NRG3: variants seen among roughly 807,000 people sequenced by gnomAD.
The protein encoded by NRG3 is pro-neuregulin-3, membrane-bound isoform.
NRG3 carries 31 observed loss-of-function variants against 66.9 expected under a neutral mutation model. The ratio of observed to expected loss-of-function variants is 0.46; its 90% CI spans 0.35 to 0.63. NRG3 has a LOEUF of 0.63. Ranked by LOEUF, NRG3 falls within the 20% of genes least tolerant of loss-of-function variation. NRG3 has a pLI of 0.00. For synonymous variants in NRG3, 393 were observed against 359.4 expected (o/e 1.09, Z -1.06); for missense variants, 910 against 878.9 (o/e 1.04, Z -0.45).
At chr10:82,465,151 G>A (rs1490132551) in intron 2 of NRG3, among the ~76,000 whole-genome samples, 1 of 152,208 alleles carries the variant, frequency 6.6e-6, no homozygotes, top group South Asian at 2.1e-4. Context: ...CGATAATGGG[G>A]CTATTAACTA....
In NRG3 at chr10:82,362,548, G is replaced by GTTTTTTTTTTTTTTTTTTTTTTT. The variant is rs10694679; in HGVS notation, c.953+3701_953+3702insTTTTTTTTTTTTTTTTTTTTTTT. On this transcript the variant is annotated intron_variant, in intron 2 of 8. Coordinates refer to ENST00000372141, the MANE Select transcript of NRG3 (RefSeq NM_001010848.4). ...ACCACCATGCCCAGATAATTTCTGG[G>GTTTTTTTTTTTTTTTTTTTTTTT]TTTTTTTTTTTTTTTTTTTTTCGTA... 4.3e-4 allele frequency among the ~76,000 whole-genome samples: 36 copies of GTTTTTTTTTTTTTTTTTTTTTTT among 83,200 alleles called. 4 individuals carry two copies. Among genetic ancestry groups the GTTTTTTTTTTTTTTTTTTTTTTT allele is most frequent in the Admixed American group, 8.2e-4 (5 of 6,062 alleles). The allele number at this position is 83,200 out of a possible 152,430, so 54.6% of individuals were successfully genotyped here. A position where few individuals can be genotyped will look rare whatever the true frequency, so the allele number is the denominator to read the frequency against.
chr10:82,172,591 G>C (rs963777360), intron 1 of NRG3, among the ~76,000 whole-genome samples: 8 of 152,062 alleles, frequency 5.3e-5, no homozygotes, highest in African/African-American at 1.9e-4. Flanking sequence ...AATTCACTGA[G>C]ATTCAGCTTG....
intron 1 of NRG3, among the ~76,000 whole-genome samples, chr10:82,052,666 C>G (rs1399448803): frequency 6.6e-6 from 1 of 152,080 alleles, no homozygotes; most frequent in African/African-American, 2.4e-5. Flanking sequence ...ACTCTTCTAA[C>G]AAGAAACTAA....
At position 82,185,326 on chromosome 10, in the gene NRG3, T is replaced by C. The variant is rs537590860; in HGVS notation, c.824-173413T>C. On this transcript the variant is annotated intron_variant, in intron 1 of 8. Transcript: ENST00000372141. ...TTGTTGTTTTAAGTAACACTGTTGT[T>C]TGGGCATTAAGTAAGTAGTTTTGCT... Among the ~76,000 whole-genome samples the C allele has an allele frequency of 1.7e-4, 26 of 152,310 alleles. No homozygotes were observed. In the South Asian group the frequency reaches 2.5e-3, roughly 15 times the overall value.
Position 82,600,312 on chromosome 10 carries a change from A to G in NRG3, c.954-138265A>G, listed in dbSNP as rs944287764. On this transcript the variant is annotated intron_variant, in intron 2 of 8. Transcript: ENST00000372141. ...TTTATCTTATTGACGACACATATTA[A>G]CATGTATAAATTCTGAAAAAAAATG... is the stretch of plus-strand genomic sequence containing the variant. 7.0e-4 allele frequency among the ~76,000 whole-genome samples: 107 copies of G among 152,246 alleles called. 1 individual carries two copies. The highest frequency in any genetic ancestry group is 2.5e-3 in the African/African-American group (103 of 41,550).
chr10:81,978,539 T>C (rs1048929058), intron 1 of NRG3, among the ~76,000 whole-genome samples: 9 of 152,134 alleles, frequency 5.9e-5, no homozygotes, highest in African/African-American at 2.2e-4. Context: ...ACTGTAGCGT[T>C]GTTTATAGCC....
intron 2 of NRG3, among the ~76,000 whole-genome samples, chr10:82,509,476 T>C (rs1844977493): frequency 1.3e-5 from 2 of 152,178 alleles, no homozygotes; most frequent in Admixed American, 1.3e-4. Context: ...AAAAGCACCA[T>C]ATTACAAGGA....
At chr10:82,514,397 T>C (rs1206864436) in intron 2 of NRG3, among the ~76,000 whole-genome samples, 1 of 152,226 alleles carries the variant, frequency 6.6e-6, no homozygotes, top group African/African-American at 2.4e-5. Flanking sequence ...TTCAATTTTC[T>C]GCATGTGGCT....
At chr10:82,924,370 A>C (rs1846770819) in intron 4 of NRG3, among the ~76,000 whole-genome samples, 1 of 152,052 alleles carries the variant, frequency 6.6e-6, no homozygotes, top group Non-Finnish European at 1.5e-5. Flanking sequence ...TACAAACCCC[A>C]TTATAATTCA....
intron 1 of NRG3, among the ~76,000 whole-genome samples, chr10:82,256,730 C>T (rs1403126433): frequency 6.6e-6 from 1 of 152,128 alleles, no homozygotes; most frequent in East Asian, 1.9e-4. Context: ...TAAGGATATT[C>T]TCCAGATTCA....
intron 1 of NRG3, among the ~76,000 whole-genome samples, chr10:81,995,586 G>C (rs776902322): frequency 3.9e-5 from 6 of 152,204 alleles, no homozygotes; most frequent in Non-Finnish European, 8.8e-5. Context: ...GATGGAAAAG[G>C]CTCCCTTGAT....
At chr10:82,833,707 C>T (rs764868723) in intron 3 of NRG3, among the ~76,000 whole-genome samples, 9 of 152,198 alleles carry the variant, frequency 5.9e-5, no homozygotes, top group Non-Finnish European at 8.8e-5. Context: ...GGGCACAACA[C>T]CTTCACAATT....
chr10:82,565,048 AGAGTTTGTCATAAG>A (rs1342789860), intron 2 of NRG3, among the ~76,000 whole-genome samples: 1 of 152,124 alleles, frequency 6.6e-6, no homozygotes, highest in Admixed American at 6.6e-5. Context: ...AGGTTCAGGA[AGAGTTTGTCATAAG>A]GATACGAAGT....
At chr10:82,860,619 G>T (rs11818254) in intron 3 of NRG3, among the ~76,000 whole-genome samples, 422 of 152,268 alleles carry the variant, frequency 2.8e-3, no homozygotes, top group Non-Finnish European at 4.9e-3. Context: ...TTCCTGGTAC[G>T]CAGTAAGTGC....
chr10:82,107,832 T>G lies in NRG3; in HGVS notation c.823+231669T>G, dbSNP rs545831406. 3.9e-5 allele frequency among the ~76,000 whole-genome samples: 6 copies of G among 152,140 alleles called. No individual in the cohort carries two copies. The South Asian group carries it at 1.2e-3, about 31-fold the overall frequency. ...AAAAATGTATGTTTAAAAAACAGAG[T>G]AAACAGTTGAGTTTACATAGCTTCC... On this transcript the variant is annotated intron_variant, in intron 1 of 8. Transcript: ENST00000372141.
At chr10:81,949,733 A>T (rs1329317568) in intron 1 of NRG3, among the ~76,000 whole-genome samples, 2 of 152,220 alleles carry the variant, frequency 1.3e-5, no homozygotes, top group Non-Finnish European at 2.9e-5. Context: ...CCAGTTACCT[A>T]TGTCTCTGAG....
At chr10:82,328,817 A>G (rs17099789) in intron 1 of NRG3, among the ~76,000 whole-genome samples, 36,294 of 152,172 alleles carry the variant, frequency 0.24, 5,501 homozygotes, top group African/African-American at 0.43. Context: ...GGGAAGATGT[A>G]GGAGCATACT....
At chr10:82,275,376 A>G (rs2078793228) in intron 1 of NRG3, among the ~76,000 whole-genome samples, 1 of 152,024 alleles carries the variant, frequency 6.6e-6, no homozygotes, top group Non-Finnish European at 1.5e-5. Context: ...GACAGTAACA[A>G]TATGATCTTT....
At position 82,985,384 on chromosome 10, in the gene NRG3, C is replaced by T; in HGVS notation, c.1870C>T (p.Gln624Ter). 3 of 1,614,136 alleles carry T rather than the reference C, an allele frequency of 1.9e-6. No individual in the cohort carries two copies. Residue 624 changes from glutamine (Q) to a stop codon, truncating the protein, a stop_gained, in exon 9 of 9, where the codon CAA becomes TAA. Transcript: ENST00000372141. LOFTEE classifies it high-confidence loss of function. ...IPVSDCLIAE[Q>*]QEVKILLETV... ...AGTCAGCGATTGTCTTATAGCAGAA[C>T]AACAAGAAGTGAAAATATTGCTAGA...
Sources: gnomAD v4.1 joint callset for allele counts (sites outside exome capture counted in the v4.1 genomes callset) on GRCh38, gnomAD v4.1.1 for gene constraint, MANE v1.5 for transcripts, NCBI Gene and HGNC (gene_info 2026-07-23, HGNC 2026-07-21) for gene names.